Variants in DENND5B observed in about 807,000 individuals in gnomAD.
The protein encoded by DENND5B is DENN domain-containing protein 5B.
A neutral mutation model predicts 140.6 loss-of-function variants in DENND5B; 34 were observed. That is an observed-to-expected ratio of 0.24 (90% CI 0.18 to 0.32). DENND5B has a LOEUF of 0.32. Ranked by LOEUF, DENND5B falls within the 10% of genes least tolerant of loss-of-function variation. DENND5B has a pLI of 1.00. For missense variants in DENND5B, 1,142 were observed against 1,560.2 expected (o/e 0.73, Z 4.52); for synonymous variants, 551 against 562.1 (o/e 0.98, Z 0.28).
intron 8 of DENND5B, among the ~76,000 whole-genome samples, chr12:31,427,045 A>G (rs1023618948): frequency 1.3e-5 from 2 of 152,162 alleles, no homozygotes; most frequent in Non-Finnish European, 1.5e-5. Flanking sequence ...CCAAAAGGCT[A>G]TAGGATCACT....
chr12:31,407,209 C>T (rs1942175567), intron 14 of DENND5B, among the ~76,000 whole-genome samples: 1 of 152,122 alleles, frequency 6.6e-6, no homozygotes, highest in Non-Finnish European at 1.5e-5. Flanking sequence ...CGGCTGACTG[C>T]AACCTCCGCC....
At chr12:31,586,033 TTC>T (rs1456648153) in intron 1 of DENND5B, among the ~76,000 whole-genome samples, 6 of 152,208 alleles carry the variant, frequency 3.9e-5, no homozygotes, top group African/African-American at 7.2e-5. Context: ...GCAAAGTCCC[TTC>T]TCTCTTAGAG....
intron 1 of DENND5B, among the ~76,000 whole-genome samples, chr12:31,528,262 C>T (rs182164872): frequency 4.6e-5 from 7 of 152,270 alleles, no homozygotes; most frequent in Admixed American, 2.6e-4. Flanking sequence ...GGTTGCTATG[C>T]GCATTCTTTG....
At chr12:31,551,474 T>C (rs1592032270) in intron 1 of DENND5B, among the ~76,000 whole-genome samples, 5 of 152,216 alleles carry the variant, frequency 3.3e-5, no homozygotes, top group Admixed American at 3.3e-4. Flanking sequence ...AGCCTTGTAG[T>C]ATAGTTTGAA....
At chr12:31,424,814 G>A in intron 9 of DENND5B, 127 bp from the exon 10 acceptor site, 2 of 1,236,238 alleles carry the variant, frequency 1.6e-6, no homozygotes, top group Non-Finnish European at 2.2e-6. Flanking sequence ...TAATCACCTT[G>A]GGAAAAAAAT....
chr12:31,428,269 G>A (rs1943337812), intron 8 of DENND5B, among the ~76,000 whole-genome samples: 2 of 151,466 alleles, frequency 1.3e-5, no homozygotes, highest in Non-Finnish European at 1.5e-5. Context: ...TTGAACCTGG[G>A]AGGCGGACGT....
chr12:31,523,337 A>G (rs538861335), intron 1 of DENND5B, among the ~76,000 whole-genome samples: 49 of 152,254 alleles, frequency 3.2e-4, no homozygotes, highest in African/African-American at 9.6e-4. Flanking sequence ...TGTTGGGATT[A>G]CAGGTGTGAG....
chr12:31,461,431 T>C (rs1945015845), intron 3 of DENND5B, among the ~76,000 whole-genome samples: 1 of 152,190 alleles, frequency 6.6e-6, no homozygotes, highest in African/African-American at 2.4e-5. Context: ...CTCCCCACAA[T>C]AGTAAAGCAG....
At chr12:31,428,771 G>A (rs186263652) in intron 8 of DENND5B, among the ~76,000 whole-genome samples, 15 of 150,546 alleles carry the variant, frequency 1.0e-4, no homozygotes, top group South Asian at 2.1e-4. Flanking sequence ...TCCCTGTGTC[G>A]CCCAGGCTGG....
rs708201 is a variant in DENND5B at position 31,385,417 on chromosome 12, T to C, written c.*2186A>G. On this transcript the variant is annotated 3_prime_UTR_variant, in exon 21 of 21. Coordinates refer to ENST00000389082, the MANE Select transcript of DENND5B (RefSeq NM_144973.4). ...GATGAGGTGTGTCAATCCTAGCACA[T>C]TAACCTAAGTCATCCCCCAGGTTGC... 0.93 allele frequency: 141,061 copies of C among 152,062 alleles called. 65,876 individuals are homozygous for C. Among genetic ancestry groups the C allele is most frequent in the East Asian group, 0.99 (5,129 of 5,166 alleles). The allele number at this position is 152,062 out of a possible 1,614,324, so 9.4% of individuals were successfully genotyped here.
At chr12:31,520,418 A>G (rs1289890253) in intron 1 of DENND5B, among the ~76,000 whole-genome samples, 1 of 152,262 alleles carries the variant, frequency 6.6e-6, no homozygotes, top group African/African-American at 2.4e-5. Flanking sequence ...TAGCTAGTAT[A>G]GAAGTTAGGC....
chr12:31,574,467 G>A (rs1040317569), intron 1 of DENND5B, among the ~76,000 whole-genome samples: 2 of 151,880 alleles, frequency 1.3e-5, no homozygotes, highest in Non-Finnish European at 2.9e-5. Flanking sequence ...GTGCATGCCT[G>A]TAGTCCCAGC....
intron 3 of DENND5B, among the ~76,000 whole-genome samples, chr12:31,461,277 T>C (rs1393574038): frequency 6.6e-6 from 1 of 152,170 alleles, no homozygotes; most frequent in Admixed American, 6.5e-5. Flanking sequence ...AACAGATACA[T>C]GCATTCATAG....
chr12:31,455,162 C>T (rs1484923117), intron 4 of DENND5B, among the ~76,000 whole-genome samples: 1 of 152,056 alleles, frequency 6.6e-6, no homozygotes, highest in East Asian at 1.9e-4. Flanking sequence ...TACTAATTTG[C>T]TAATCTAAAT....
intron 1 of DENND5B, among the ~76,000 whole-genome samples, chr12:31,562,375 C>T (rs1949506178): frequency 6.6e-6 from 1 of 152,094 alleles, no homozygotes; most frequent in Non-Finnish European, 1.5e-5. Flanking sequence ...GTTGGGAGGC[C>T]GAGGCAGGCG....
intron 1 of DENND5B, among the ~76,000 whole-genome samples, chr12:31,522,912 G>C (rs1050268229): frequency 6.6e-6 from 1 of 152,160 alleles, no homozygotes; most frequent in South Asian, 2.1e-4. Context: ...TCATCCCTTA[G>C]AACAACTTTT....
At chr12:31,565,765 T>G (rs1362227909) in intron 1 of DENND5B, among the ~76,000 whole-genome samples, 1 of 152,186 alleles carries the variant, frequency 6.6e-6, no homozygotes. Context: ...CCACTAGCAA[T>G]GCAAACTTAG....
At chr12:31,406,965 A>G (rs1191491174) in intron 14 of DENND5B, among the ~76,000 whole-genome samples, 1 of 151,140 alleles carries the variant, frequency 6.6e-6, no homozygotes, top group African/African-American at 2.4e-5. Flanking sequence ...CGTCCGGCTA[A>G]TTTTTGTATT....
At chr12:31,470,529 T>G (rs1187244301) in intron 3 of DENND5B, among the ~76,000 whole-genome samples, 2 of 152,076 alleles carry the variant, frequency 1.3e-5, no homozygotes, top group Non-Finnish European at 2.9e-5. Flanking sequence ...GGATTACAGG[T>G]GTAAGCCACT....
Sources: allele counts gnomAD v4.1 joint callset (sites outside exome capture counted in the v4.1 genomes callset), GRCh38; gene constraint gnomAD v4.1.1; transcripts MANE v1.5; gene names NCBI Gene and HGNC (gene_info 2026-07-23, HGNC 2026-07-21).